Variants in DPYD observed in about 807,000 individuals in gnomAD.
The protein encoded by DPYD is dihydropyrimidine dehydrogenase.
In DPYD, 109 loss-of-function variants were observed where a neutral mutation model predicts 116.2. The observed-to-expected ratio is 0.94, with a 90% CI of 0.80 to 1.10. The LOEUF is 1.10. Among genes scored for constraint, DPYD ranks in the 50% least tolerant of loss-of-function variants. DPYD has a pLI of 0.00. For synonymous variants in DPYD, 440 were observed against 432.0 expected (o/e 1.02, Z -0.23); for missense variants, 1,302 against 1,254.5 (o/e 1.04, Z -0.57).
chr1:97,485,918 T>C (rs1021315708), intron 13 of DPYD, among the ~76,000 whole-genome samples: 1 of 152,204 alleles, frequency 6.6e-6, no homozygotes, highest in Admixed American at 6.5e-5. Context: ...TATACTGTAG[T>C]TTTAAAAAAT....
chr1:97,272,678 A>G (rs954619810), intron 18 of DPYD, among the ~76,000 whole-genome samples: 1 of 152,172 alleles, frequency 6.6e-6, no homozygotes, highest in African/African-American at 2.4e-5. Flanking sequence ...GTTAATCTTT[A>G]AGTAGATTAA....
intron 1 of DPYD, among the ~76,000 whole-genome samples, chr1:97,884,966 T>C (rs1380453780): frequency 6.6e-6 from 1 of 152,002 alleles, no homozygotes; most frequent in Admixed American, 6.6e-5. Context: ...GGGCAACACC[T>C]GAATCAGAAG....
At chr1:97,705,660 G>A (rs1661902861) in intron 5 of DPYD, among the ~76,000 whole-genome samples, 1 of 152,056 alleles carries the variant, frequency 6.6e-6, no homozygotes, top group Non-Finnish European at 1.5e-5. Context: ...GTAATGGGAT[G>A]GCTGGGTCAA....
At chr1:97,919,571 C>T (rs1157096632) in intron 1 of DPYD, among the ~76,000 whole-genome samples, 2 of 152,066 alleles carry the variant, frequency 1.3e-5, no homozygotes, top group Non-Finnish European at 2.9e-5. Flanking sequence ...GCTTGTTTTT[C>T]GACTTAGTAA....
intron 21 of DPYD, among the ~76,000 whole-genome samples, chr1:97,083,516 G>A (rs540941927): frequency 6.6e-6 from 1 of 151,838 alleles, no homozygotes; most frequent in South Asian, 2.1e-4. Context: ...CAGTTCCTTT[G>A]TGTATCTTTC....
At chr1:97,843,727 G>T (rs953300382) in intron 2 of DPYD, among the ~76,000 whole-genome samples, 1 of 152,044 alleles carries the variant, frequency 6.6e-6, no homozygotes, top group Admixed American at 6.5e-5. Flanking sequence ...TACAGCATTT[G>T]TATGAATTTG....
intron 12 of DPYD, among the ~76,000 whole-genome samples, chr1:97,529,414 C>T (rs1649396015): frequency 6.6e-6 from 1 of 152,130 alleles, no homozygotes; most frequent in Non-Finnish European, 1.5e-5. Context: ...AAAACGGCTT[C>T]ACTAAACATT....
intron 5 of DPYD, among the ~76,000 whole-genome samples, chr1:97,703,577 T>C (rs1471638832): frequency 6.6e-6 from 1 of 151,992 alleles, no homozygotes; most frequent in East Asian, 1.9e-4. Context: ...CGGAATCCAC[T>C]AGCCACATTT....
At chr1:97,812,294 G>C (rs1485550120) in intron 3 of DPYD, among the ~76,000 whole-genome samples, 1 of 152,060 alleles carries the variant, frequency 6.6e-6, no homozygotes, top group Non-Finnish European at 1.5e-5. Flanking sequence ...GTATTTGACA[G>C]GCCTCATAAA....
intron 14 of DPYD, among the ~76,000 whole-genome samples, chr1:97,409,601 G>A (rs1013151311): frequency 6.6e-6 from 1 of 152,142 alleles, no homozygotes; most frequent in African/African-American, 2.4e-5. Flanking sequence ...TTCCAACTAT[G>A]TCTATCCTAT....
intron 18 of DPYD, among the ~76,000 whole-genome samples, chr1:97,273,203 T>C (rs1347871851): frequency 5.9e-5 from 9 of 152,280 alleles, no homozygotes; most frequent in East Asian, 3.9e-4. Context: ...AATTTGCTAA[T>C]AGTATCCAGC....
chr1:97,692,172 ATG>A (rs1402079683), intron 6 of DPYD, among the ~76,000 whole-genome samples: 1 of 152,058 alleles, frequency 6.6e-6, no homozygotes, highest in Non-Finnish European at 1.5e-5. Context: ...ATAAAGCTAG[ATG>A]GAGATATAGA....
At chr1:97,405,800 A>T (rs11165862) in intron 14 of DPYD, among the ~76,000 whole-genome samples, 61,372 of 152,054 alleles carry the variant, frequency 0.4, 12,775 homozygotes, top group Admixed American at 0.5. Flanking sequence ...TACAGGCGTG[A>T]GCCACTGTGC....
At chr1:97,771,743 A>C (rs1666154514) in intron 3 of DPYD, among the ~76,000 whole-genome samples, 1 of 152,218 alleles carries the variant, frequency 6.6e-6, no homozygotes, top group African/African-American at 2.4e-5. Flanking sequence ...ACAGTACGTT[A>C]GCCCCACAGA....
chr1:97,139,625 GA>G (rs1654066310), intron 20 of DPYD, among the ~76,000 whole-genome samples: 1 of 152,062 alleles, frequency 6.6e-6, no homozygotes, highest in Non-Finnish European at 1.5e-5. Flanking sequence ...TTTCTAGACT[GA>G]AAAGATTTTT....
intron 11 of DPYD, among the ~76,000 whole-genome samples, chr1:97,565,578 G>A (rs951975387): frequency 3.9e-5 from 6 of 151,950 alleles, no homozygotes; most frequent in Admixed American, 1.3e-4. Flanking sequence ...TCATTTTGTC[G>A]GCCCATACTT....
intron 14 of DPYD, among the ~76,000 whole-genome samples, chr1:97,410,072 G>T (rs1673892066): frequency 7.0e-6 from 1 of 142,000 alleles, no homozygotes; most frequent in Admixed American, 7.2e-5. Flanking sequence ...TCTCAAAAAA[G>T]AAAAAGAAAG....
At chr1:97,459,239 C>T (rs182541812) in intron 13 of DPYD, among the ~76,000 whole-genome samples, 11 of 151,868 alleles carry the variant, frequency 7.2e-5, no homozygotes, top group African/African-American at 2.7e-4. Context: ...GGGCAAGTTA[C>T]CTGAAAGCAA....
intron 8 of DPYD, among the ~76,000 whole-genome samples, chr1:97,624,937 T>C (rs1656841983): frequency 6.6e-6 from 1 of 152,008 alleles, no homozygotes; most frequent in African/African-American, 2.4e-5. Flanking sequence ...AAGAGGAGAA[T>C]GGTGGTTACA....
Sources: gnomAD v4.1 joint callset for allele counts (sites outside exome capture counted in the v4.1 genomes callset) on GRCh38, gnomAD v4.1.1 for gene constraint, MANE v1.5 for transcripts, NCBI Gene and HGNC (gene_info 2026-07-23, HGNC 2026-07-21) for gene names.